The following FBF1 variants were observed in gnomAD, a reference collection of about 807,000 sequenced individuals.
FBF1 encodes the protein Fas binding factor 1.
Under a neutral mutation model 147.2 loss-of-function variants are expected in FBF1, and 119 were observed. The ratio of observed to expected loss-of-function variants is 0.81; its 90% CI spans 0.70 to 0.94. FBF1 has a LOEUF of 0.94. FBF1 is among the 40% of genes least tolerant of loss of function. The probability of loss-of-function intolerance (pLI) is 0.00; values close to 1 mark genes in which losing one functional copy is unlikely to be tolerated. For synonymous variants in FBF1, 601 were observed against 609.0 expected (o/e 0.99, Z 0.19); for missense variants, 1,449 against 1,500.8 (o/e 0.97, Z 0.57).
intron 5 of FBF1, among the ~76,000 whole-genome samples, chr17:75,932,422 G>T (rs1041477402): frequency 1.3e-5 from 2 of 151,954 alleles, no homozygotes; most frequent in African/African-American, 4.8e-5. Context: ...ACAAAACCAG[G>T]AGCTGAGGGA....
chr17:75,927,945 C>G (rs2065572188), intron 8 of FBF1, 131 bp downstream of exon 8: 1 of 704,156 alleles, frequency 1.4e-6, no homozygotes, highest in African/African-American at 1.8e-5. Flanking sequence ...GCTCCTTGGC[C>G]TCTCCATCCT....
At chr17:75,913,851 G>A in intron 27 of FBF1, 32 bp from the exon 28 acceptor site, 1 of 1,577,660 alleles carries the variant, frequency 6.3e-7, no homozygotes, top group Non-Finnish European at 8.6e-7. Flanking sequence ...GAAGGACTCA[G>A]CTGTGAGGTG....
At chr17:75,927,143 A>G (rs1366844229) in intron 9 of FBF1, among the ~76,000 whole-genome samples, 2 of 152,234 alleles carry the variant, frequency 1.3e-5, no homozygotes, top group African/African-American at 4.8e-5. Context: ...TGCAGGCTGC[A>G]TGGCCTTCTG....
Position 75,919,903 on chromosome 17 carries a change from A to G in FBF1, c.1932-29T>C, listed in dbSNP as rs1271488637. 3.1e-6 allele frequency: 5 copies of G among 1,613,238 alleles called. No homozygotes were observed. The highest frequency in any genetic ancestry group is 1.1e-5 in the South Asian group (1 of 91,078). On this transcript the variant is annotated intron_variant, in intron 19 of 29. Transcript: ENST00000636174. This position sits in a 1 kb window ranked among gnomAD's most constrained non-coding sequence, Gnocchi z 5.0. ...CCAACAGAACACCCAGCCATGGCGCAAGGAAGGCAGAGGGCTGCCGCCTAA... is the reference window on the plus strand; with the variant it reads ...CCAACAGAACACCCAGCCATGGCGCGAGGAAGGCAGAGGGCTGCCGCCTAA...
rs746467075 is a variant in FBF1, at chr17:75,923,674, G to A, written c.969-33C>T. 6.5e-7 allele frequency: 1 copy of A among 1,533,990 alleles called. No homozygotes were observed. The highest frequency in any genetic ancestry group is 2.4e-5 in the East Asian group (1 of 42,526). On this transcript the variant is annotated intron_variant, in intron 13 of 29. Coordinates refer to ENST00000636174, the MANE Select transcript of FBF1 (RefSeq NM_001319193.2). This position sits in a 1 kb window ranked among gnomAD's most constrained non-coding sequence, Gnocchi z 4.1. ...ACAGAAAGGAGGGTGTCAGGCAGGG[G>A]AAACAGCCAGTCCCAGTGGCCCCCT...
intron 15 of FBF1, 77 bp from the exon 16 acceptor site, chr17:75,921,637 G>A: frequency 9.9e-7 from 1 of 1,011,796 alleles, no homozygotes; most frequent in Non-Finnish European, 1.5e-6. Flanking sequence ...GCAGCCTCTA[G>A]GTGGGACATG....
chr17:75,939,405 G>A (rs935549187), intron 1 of FBF1, among the ~76,000 whole-genome samples: 1 of 151,272 alleles, frequency 6.6e-6, no homozygotes. Flanking sequence ...CCTGAAAGCC[G>A]ATGCAGCAAG....
intron 13 of FBF1, among the ~76,000 whole-genome samples, chr17:75,924,918 G>A (rs539520784): frequency 1.3e-5 from 2 of 151,782 alleles, no homozygotes; most frequent in African/African-American, 2.4e-5. Flanking sequence ...GAATTGTCAC[G>A]GCAGGTTCGA....
intron 16 of FBF1, 40 bp from the exon 17 acceptor site, chr17:75,921,342 G>A: frequency 6.4e-7 from 1 of 1,561,134 alleles, no homozygotes; most frequent in Non-Finnish European, 8.7e-7. Flanking sequence ...GGAGGCCCAG[G>A]GCACTGGGCC....
At chr17:75,926,509 T>C in intron 10 of FBF1, 83 bp from the exon 11 acceptor site, 1 of 1,461,118 alleles carries the variant, frequency 6.8e-7, no homozygotes, top group Non-Finnish European at 9.0e-7. Context: ...GTGGTTTCTC[T>C]GCACCTTTGG....
intron 2 of FBF1, 122 bp from the exon 3 acceptor site, chr17:75,937,715 AT>A: frequency 1.0e-6 from 1 of 988,770 alleles, no homozygotes; most frequent in Non-Finnish European, 1.6e-6. Context: ...CACCAATGGC[AT>A]TTAGAGATGT....
At position 75,926,083 on chromosome 17, in the gene FBF1, C is replaced by T; in HGVS notation, c.815G>A (p.Gly272Asp). The part of the protein sequence containing the change: ...GMATKLLARP[G>D]TGEHREFKLD... ...CTTGAACTCCCTGTGCTCCCCGGTG[C>T]CCGGGCGGGCCAGGAGTTTGGTGGC... Residue 272 changes from glycine (G) to aspartate (D), a missense_variant, in exon 12 of 30, where the codon GGC becomes GAC. Coordinates refer to ENST00000636174, the MANE Select transcript of FBF1 (RefSeq NM_001319193.2). 6.2e-7 allele frequency: 1 copy of T among 1,612,506 alleles called. No individual in the cohort carries two copies.
In FBF1 at chr17:75,923,396, G is replaced by A; in HGVS notation, c.1214C>T (p.Pro405Leu). 6.2e-7 allele frequency: 1 copy of A among 1,607,488 alleles called. No homozygotes were observed. Among genetic ancestry groups the A allele is most frequent in the South Asian group, 1.1e-5 (1 of 89,738 alleles). ...SQHSTPAGLPPSRAKPPTEGA... is the reference protein window; with the variant it reads ...SQHSTPAGLPLSRAKPPTEGA... ...TTCAGTTGGTGGCTTTGCCCTGGAG[G>A]GGGGCAGCCCAGCTGGCGTGGAGTG... Residue 405 changes from proline to leucine, a missense_variant, in exon 14 of 30, where the codon CCC becomes CTC. By Grantham distance (98) the Pro-to-Leu change is moderately conservative. Coordinates refer to ENST00000636174, the MANE Select transcript of FBF1 (RefSeq NM_001319193.2). This position sits in a 1 kb window ranked among gnomAD's most constrained non-coding sequence, Gnocchi z 4.1.
chr17:75,931,807 G>C (rs78522059), intron 5 of FBF1, among the ~76,000 whole-genome samples: 2 of 151,226 alleles, frequency 1.3e-5, no homozygotes, highest in Admixed American at 1.3e-4. Context: ...AAAAAAAAAA[G>C]TAAGAAAAAC....
Position 75,935,648 on chromosome 17 carries a change from G to T in FBF1, c.57C>A (p.Asp19Glu). 1 of 1,536,976 alleles carries T rather than the reference G, an allele frequency of 6.5e-7. No homozygotes were observed. Among genetic ancestry groups the T allele is most frequent in the Non-Finnish European group, 8.7e-7 (1 of 1,146,812 alleles). The change falls in exon 4 of 30, where the codon GAC (aspartate) becomes GAA (glutamate). Residue 19 changes from aspartate to glutamate, a missense_variant. Physicochemically the swap from Asp to Glu is conservative, Grantham distance 45. Coordinates refer to ENST00000636174, the MANE Select transcript of FBF1 (RefSeq NM_001319193.2). The stretch of plus-strand genomic sequence containing the variant: ...CACACTTACTATCATCCCCTAGAAG[G>T]TCACCAAGAAAATCATCAATGGAGC... ...CKGSIDDFLG[D>E]LLGDDMTLPE...
chr17:75,921,265 T>C lies in FBF1; in HGVS notation c.1653A>G (p.Thr551=), dbSNP rs1210887540. 2 of 1,592,588 alleles carry C rather than the reference T, an allele frequency of 1.3e-6. No homozygotes were observed. Among genetic ancestry groups the C allele is most frequent in the African/African-American group, 2.7e-5 (2 of 74,702 alleles). The part of the protein sequence containing the change: ...ATCFPSTQKP[T]EPSVPVQPLL... ...CTACCTGGACGGGCACGGAAGGCTC[T>C]GTGGGTTTCTGGGTGCTCGGGAAAC... Residue 551 remains threonine (T), a synonymous_variant, in exon 17 of 30, where the codon ACA becomes ACG. Transcript: ENST00000636174.
intron 23 of FBF1, 80 bp downstream of exon 23, chr17:75,917,652 A>G (rs2065496445): frequency 4.7e-6 from 6 of 1,280,394 alleles, no homozygotes; most frequent in African/African-American, 2.9e-5. Flanking sequence ...AGGTCACGGG[A>G]GTGCCGCTAC....
At chr17:75,936,111 G>A (rs188391422) in intron 3 of FBF1, among the ~76,000 whole-genome samples, 3 of 152,300 alleles carry the variant, frequency 2.0e-5, no homozygotes, top group African/African-American at 7.2e-5. Context: ...TCAGGAGTTC[G>A]AGACCAGCCT....
In FBF1 at chr17:75,910,727, G is replaced by A. The variant is rs1599478477; in HGVS notation, c.3443C>T (p.Ala1148Val). The A allele has an allele frequency of 1.2e-6, 2 of 1,607,792 alleles. No individual in the cohort carries two copies. The highest frequency in any genetic ancestry group is 1.7e-6 in the Non-Finnish European group (2 of 1,177,386). Residue 1148 changes from alanine (A) to valine (V), a missense_variant, in exon 30 of 30, where the codon GCC (alanine) becomes GTC (valine). Transcript: ENST00000636174. The surrounding 1 kb of genome is among the most constrained non-coding windows in gnomAD (Gnocchi z 4.1). ...KGSYNLTSHS[A>V] ...GGGAATCGGCTGGGGTCCCACTCAG[G>A]CTGAATGAGATGTCAAATTGTAGGA...
Sources: allele counts gnomAD v4.1 joint callset (sites outside exome capture counted in the v4.1 genomes callset), GRCh38; gene constraint gnomAD v4.1.1; non-coding constraint Gnocchi (gnomAD v3.1); transcripts MANE v1.5; gene names NCBI Gene and HGNC (gene_info 2026-07-23, HGNC 2026-07-21).